The following PREX1 variants were observed in gnomAD, a reference collection of about 807,000 sequenced individuals.
PREX1 encodes phosphatidylinositol 3,4,5-trisphosphate-dependent Rac exchanger 1 protein.
Under a neutral mutation model 198.3 loss-of-function variants are expected in PREX1, and 41 were observed. That is an observed-to-expected ratio of 0.21 (90% CI 0.16 to 0.27). The LOEUF (loss-of-function observed/expected upper bound fraction) is 0.27. Ranked by LOEUF, PREX1 falls within the 10% of genes least tolerant of loss-of-function variation. PREX1 has a pLI of 1.00. For missense variants in PREX1, 1,620 were observed against 2,200.7 expected, an observed-to-expected ratio of 0.74 and a Z score of 5.28; for synonymous variants, 843 against 887.2, an observed-to-expected ratio of 0.95 and a Z score of 0.89.
chr20:48,826,982 G>A (rs1290766741), intron 1 of PREX1, among the ~76,000 whole-genome samples: 1 of 152,208 alleles, frequency 6.6e-6, no homozygotes, highest in African/African-American at 2.4e-5. Flanking sequence ...TAAGTGGTCG[G>A]TTGTTATTTT....
chr20:48,742,746 G>A (rs368204447), intron 3 of PREX1, among the ~76,000 whole-genome samples: 23 of 152,124 alleles, frequency 1.5e-4, no homozygotes, highest in African/African-American at 5.1e-4. Flanking sequence ...CCAGCCCTCC[G>A]CTGCATCTCT....
chr20:48,634,534 A>T (rs6095220), intron 33 of PREX1, 142 bp downstream of exon 33: 5 of 659,604 alleles, frequency 7.6e-6, no homozygotes, highest in Non-Finnish European at 1.3e-5. Flanking sequence ...TGTTGGAGGC[A>T]TGAGGTTTGA....
At chr20:48,627,027 A>G (rs544479980) in intron 39 of PREX1, among the ~76,000 whole-genome samples, 19 of 152,194 alleles carry the variant, frequency 1.2e-4, no homozygotes, top group Non-Finnish European at 2.6e-4. Flanking sequence ...AGACGGCAGG[A>G]ACAGAGAGCA....
At position 48,635,798 on chromosome 20, in the gene PREX1, C is replaced by T. The variant is rs73911605; in HGVS notation, c.4167+665G>A. Among the ~76,000 whole-genome samples the T allele has an allele frequency of 2.5e-3, 378 of 152,334 alleles. 3 individuals are homozygous for T. The highest frequency in any genetic ancestry group is 8.8e-3 in the African/African-American group (366 of 41,572). On this transcript the variant is annotated intron_variant, in intron 32 of 39. Transcript: ENST00000371941. ...CCCCAGCTCCCAGCTCAGGGCCTGG[C>T]ACATCGTGGTGTTTGGAGAATGAAG... is the stretch of plus-strand genomic sequence containing the variant.
chr20:48,755,606 C>T (rs2090152979), intron 1 of PREX1, among the ~76,000 whole-genome samples: 1 of 152,158 alleles, frequency 6.6e-6, no homozygotes, highest in Non-Finnish European at 1.5e-5. Context: ...ACATCTTATA[C>T]CATGAGGTAG....
At chr20:48,744,928 A>G in intron 3 of PREX1, 97 bp downstream of exon 3, 1 of 1,489,018 alleles carries the variant, frequency 6.7e-7, no homozygotes, top group Non-Finnish European at 9.1e-7. Flanking sequence ...AGACAGGCCT[A>G]CAGAGGAAGC....
At chr20:48,769,586 T>C (rs1030462820) in intron 1 of PREX1, among the ~76,000 whole-genome samples, 1 of 152,032 alleles carries the variant, frequency 6.6e-6, no homozygotes, top group Non-Finnish European at 1.5e-5. Flanking sequence ...TTCTCCCTCA[T>C]CTCCTCCCAC....
intron 32 of PREX1, 125 bp downstream of exon 32, chr20:48,636,338 T>C: frequency 1.0e-6 from 1 of 999,282 alleles, no homozygotes; most frequent in Non-Finnish European, 1.4e-6. Context: ...GCTCAACAAA[T>C]AGCTGCTGCG....
At chr20:48,730,491 G>A (rs191852880) in intron 4 of PREX1, among the ~76,000 whole-genome samples, 1 of 151,724 alleles carries the variant, frequency 6.6e-6, no homozygotes, top group Non-Finnish European at 1.5e-5. Context: ...GCTAGAATAG[G>A]AAAAACTAAG....
chr20:48,747,824 C>T lies in PREX1; in HGVS notation c.276G>A (p.Thr92=), dbSNP rs1215641443. 10 of 1,613,322 alleles carry T rather than the reference C, an allele frequency of 6.2e-6. No individual in the cohort carries two copies. The highest frequency in any genetic ancestry group is 2.2e-5 in the South Asian group (2 of 90,848). The change falls in exon 2 of 40, where the codon ACG becomes ACA. Residue 92 remains threonine, a synonymous_variant. Transcript: ENST00000371941. ...NVADSVEKGL[T]EENVKVLFSN... ...GCGTCCACACCTTGACATTCTCCTC[C>T]GTGAGGCCCTTCTCCACTGAGTCGG...
At chr20:48,628,007 A>G in intron 37 of PREX1, 44 bp from the exon 38 acceptor site, 5 of 744,624 alleles carry the variant, frequency 6.7e-6, no homozygotes, top group South Asian at 1.4e-5. Flanking sequence ...GTGGGGGGAC[A>G]GGGGTCGGGG....
intron 5 of PREX1, among the ~76,000 whole-genome samples, chr20:48,713,857 T>TAAAAAAAAAAAAAA (rs71337452): frequency 1.2e-5 from 1 of 81,728 alleles, no homozygotes; most frequent in African/African-American, 5.8e-5. Context: ...CCCAGAACTA[T>TAAAAAAAAAAAAAA]AAAAAAAAAA....
rs140396338 is a variant in PREX1 at position 48,663,395 on chromosome 20, C to T, written c.1738+2888G>A. ...ACTATGGCCCGGCTGGGTGTGGTGG[C>T]GCATGCCTGTAATCCTAGCTACTCA... On this transcript the variant is annotated intron_variant, in intron 15 of 39. Transcript: ENST00000371941. 8.8e-3 allele frequency among the ~76,000 whole-genome samples: 1,343 copies of T among 152,248 alleles called. 11 individuals are homozygous for T. Among genetic ancestry groups the T allele is most frequent in the Non-Finnish European group, 0.014 (960 of 68,022 alleles).
chr20:48,868,386 C>G, the PREX1 span, among the ~76,000 whole-genome samples: 1 of 151,948 alleles, frequency 6.6e-6, no homozygotes, highest in African/African-American at 2.4e-5. Context: ...GGCATGATCT[C>G]GGCTCACTGC....
chr20:48,676,059 AGATGGT>A, intron 14 of PREX1, 128 bp downstream of exon 14: 1 of 916,332 alleles, frequency 1.1e-6, no homozygotes, highest in Non-Finnish European at 1.7e-6. Context: ...AAAAAGATCA[AGATGGT>A]AAATTTTATG....
intron 16 of PREX1, 78 bp from the exon 17 acceptor site, chr20:48,658,306 AC>A: frequency 7.0e-7 from 1 of 1,423,238 alleles, no homozygotes; most frequent in Non-Finnish European, 9.7e-7. Context: ...CCCCCACAGG[AC>A]CATGACCTCG....
At chr20:48,683,951 GA>G (rs1453787150) in intron 10 of PREX1, among the ~76,000 whole-genome samples, 2 of 152,096 alleles carry the variant, frequency 1.3e-5, no homozygotes, top group East Asian at 3.9e-4. Flanking sequence ...TGCCAGTGGG[GA>G]GGGGCGCTGG....
chr20:48,785,833 G>A (rs1408193995), intron 1 of PREX1, among the ~76,000 whole-genome samples: 3 of 152,150 alleles, frequency 2.0e-5, no homozygotes, highest in African/African-American at 7.2e-5. Context: ...CATAAATACT[G>A]ACGAGCCCCC....
At chr20:48,728,006 TGAACTAACC>T (rs1185076065) in intron 4 of PREX1, among the ~76,000 whole-genome samples, 17 of 152,312 alleles carry the variant, frequency 1.1e-4, no homozygotes, top group Non-Finnish European at 1.8e-4. Context: ...TGTAAGTGAA[TGAACTAACC>T]AACTAACTAA....
Sources: allele counts gnomAD v4.1 joint callset (sites outside exome capture counted in the v4.1 genomes callset), GRCh38; gene constraint gnomAD v4.1.1; transcripts MANE v1.5; gene names NCBI Gene and HGNC (gene_info 2026-07-23, HGNC 2026-07-21).